The following CACNA2D3 variants were observed in gnomAD, a reference collection of about 807,000 sequenced individuals.
The protein encoded by CACNA2D3 is voltage-dependent calcium channel subunit alpha-2/delta-3.
Under a neutral mutation model 160.6 loss-of-function variants are expected in CACNA2D3, and 60 were observed. The observed-to-expected ratio is 0.37, with a 90% confidence interval of 0.30 to 0.46. The LOEUF (loss-of-function observed/expected upper bound fraction) is 0.46. Ranked by LOEUF, CACNA2D3 falls within the 20% of genes least tolerant of loss-of-function variation. The pLI is 1.00. For missense variants in CACNA2D3, 1,205 were observed against 1,365.0 expected, an observed-to-expected ratio of 0.88 and a Z score of 1.85; for synonymous variants, 558 against 492.9, an observed-to-expected ratio of 1.13 and a Z score of -1.75.
intron 17 of CACNA2D3, among the ~76,000 whole-genome samples, chr3:54,851,943 C>T (rs1200551459): frequency 3.3e-5 from 5 of 152,150 alleles, no homozygotes; most frequent in African/African-American, 4.8e-5. Flanking sequence ...TGGCTGTGGC[C>T]CCCATAAGGG....
At chr3:54,763,769 G>GTATA (rs71096448) in intron 12 of CACNA2D3, among the ~76,000 whole-genome samples, 1 of 49,306 alleles carries the variant, frequency 2.0e-5, no homozygotes, top group East Asian at 4.6e-4. Context: ...ACATATATAT[G>GTATA]TATATATGTA....
intron 13 of CACNA2D3, among the ~76,000 whole-genome samples, chr3:54,766,087 C>T (rs537127040): frequency 2.0e-5 from 3 of 152,116 alleles, no homozygotes; most frequent in Admixed American, 6.5e-5. Context: ...GCAAAATCTA[C>T]AGGCAATAAA....
chr3:54,706,452 T>C (rs938524047), intron 11 of CACNA2D3, among the ~76,000 whole-genome samples: 13 of 152,222 alleles, frequency 8.5e-5, no homozygotes, highest in Non-Finnish European at 8.8e-5. Flanking sequence ...GAACATCCTT[T>C]AGAATGCAAG....
At chr3:54,214,205 C>G (rs1701424444) in intron 2 of CACNA2D3, among the ~76,000 whole-genome samples, 1 of 152,116 alleles carries the variant, frequency 6.6e-6, no homozygotes, top group Non-Finnish European at 1.5e-5. Context: ...TGAAGTCACA[C>G]ACACAAAAAA....
At chr3:54,440,831 G>A (rs1478227119) in intron 4 of CACNA2D3, among the ~76,000 whole-genome samples, 1 of 152,074 alleles carries the variant, frequency 6.6e-6, no homozygotes, top group African/African-American at 2.4e-5. Context: ...ATTTTTTATG[G>A]CTGCATAGCA....
intron 17 of CACNA2D3, among the ~76,000 whole-genome samples, chr3:54,853,221 C>G (rs536708508): frequency 6.6e-6 from 1 of 152,134 alleles, no homozygotes; most frequent in African/African-American, 2.4e-5. Context: ...CTTTAGTTTT[C>G]TTGAATCACC....
At chr3:54,434,274 C>A (rs1167248202) in intron 4 of CACNA2D3, among the ~76,000 whole-genome samples, 1 of 152,214 alleles carries the variant, frequency 6.6e-6, no homozygotes, top group African/African-American at 2.4e-5. Context: ...TACACTCCCA[C>A]CCAGCATCAT....
intron 2 of CACNA2D3, among the ~76,000 whole-genome samples, chr3:54,255,836 T>G (rs1254513166): frequency 1.3e-5 from 2 of 152,178 alleles, no homozygotes; most frequent in Non-Finnish European, 2.9e-5. Context: ...TGTCTTCCAG[T>G]AAAGTCTTTT....
rs559062388 is a variant in CACNA2D3 at position 55,052,397 on chromosome 3, A to G, written c.2988-21048A>G. On this transcript the variant is annotated intron_variant, in intron 35 of 37. Coordinates refer to ENST00000474759, the MANE Select transcript of CACNA2D3 (RefSeq NM_018398.3). Reference sequence around the variant, plus strand: ...ATTCCATATGAACATATATATACATATATTCTATATATATGTTTGTGTGTA... The same window carrying G: ...ATTCCATATGAACATATATATACATGTATTCTATATATATGTTTGTGTGTA... Among the ~76,000 whole-genome samples the G allele has an allele frequency of 4.2e-4, 63 of 151,540 alleles. No homozygotes were observed. The South Asian group carries it at 0.013, about 31-fold the overall frequency.
intron 2 of CACNA2D3, among the ~76,000 whole-genome samples, chr3:54,279,031 C>A (rs978388834): frequency 6.6e-6 from 1 of 152,192 alleles, no homozygotes; most frequent in African/African-American, 2.4e-5. Flanking sequence ...AGACAAGAAT[C>A]AAATTAGCAT....
chr3:54,825,961 G>GT (rs1559596839), intron 14 of CACNA2D3, among the ~76,000 whole-genome samples: 1 of 152,014 alleles, frequency 6.6e-6, no homozygotes, highest in African/African-American at 2.4e-5. Context: ...CATACCATAT[G>GT]TGCATATGCA....
rs143756148 is a variant in CACNA2D3 at position 54,885,456 on chromosome 3, A to G, written c.1959-33A>G. 2.2e-5 allele frequency: 35 copies of G among 1,601,974 alleles called. No homozygotes were observed. The Middle Eastern group carries it at 5.0e-4, about 23-fold the overall frequency. On this transcript the variant is annotated intron_variant, in intron 22 of 37. Transcript: ENST00000474759. ...GGAAGCAGATGCTGTAAATATTGAC[A>G]TGCTCTTGTTTTGGGCCATGTCATG...
At chr3:54,400,246 A>T (rs1191484846) in intron 4 of CACNA2D3, among the ~76,000 whole-genome samples, 1 of 150,658 alleles carries the variant, frequency 6.6e-6, no homozygotes, top group African/African-American at 2.4e-5. Flanking sequence ...GGAAATGCAG[A>T]AATCACCCGT....
At chr3:54,333,063 G>T (rs1704300029) in intron 3 of CACNA2D3, among the ~76,000 whole-genome samples, 1 of 152,152 alleles carries the variant, frequency 6.6e-6, no homozygotes, top group South Asian at 2.1e-4. Flanking sequence ...TAGAATGTGG[G>T]ACCAGTTGAA....
At chr3:54,747,224 A>G (rs1397028851) in intron 11 of CACNA2D3, among the ~76,000 whole-genome samples, 2 of 152,026 alleles carry the variant, frequency 1.3e-5, no homozygotes, top group Non-Finnish European at 2.9e-5. Flanking sequence ...GGCCTACTTT[A>G]TTCTGAACCT....
chr3:54,518,440 C>T (rs1701590937), intron 5 of CACNA2D3, among the ~76,000 whole-genome samples: 1 of 152,108 alleles, frequency 6.6e-6, no homozygotes, highest in Non-Finnish European at 1.5e-5. Context: ...GAGAAGTGCC[C>T]CTCTGAGAAG....
intron 11 of CACNA2D3, among the ~76,000 whole-genome samples, chr3:54,666,509 A>T (rs1165326878): frequency 2.0e-5 from 3 of 152,188 alleles, no homozygotes; most frequent in Non-Finnish European, 4.4e-5. Flanking sequence ...TATATTTAAA[A>T]ATGAAGATGC....
At chr3:54,455,840 G>A (rs960987784) in intron 4 of CACNA2D3, among the ~76,000 whole-genome samples, 5 of 151,866 alleles carry the variant, frequency 3.3e-5, no homozygotes, top group South Asian at 2.1e-4. Context: ...CTGTCCTTTC[G>A]CTAGTGAATG....
At chr3:54,564,793 G>A (rs370089054) in intron 6 of CACNA2D3, among the ~76,000 whole-genome samples, 10 of 152,136 alleles carry the variant, frequency 6.6e-5, no homozygotes, top group South Asian at 2.1e-4. Flanking sequence ...TGCATTTGTC[G>A]TGGATTTTGT....
Sources: gnomAD v4.1 joint callset for allele counts (sites outside exome capture counted in the v4.1 genomes callset) on GRCh38, gnomAD v4.1.1 for gene constraint, MANE v1.5 for transcripts, NCBI Gene and HGNC (gene_info 2026-07-23, HGNC 2026-07-21) for gene names.